Variants in CXCL13 observed in about 807,000 individuals in gnomAD.
The protein encoded by CXCL13 is C-X-C motif chemokine ligand 13.
In CXCL13, 7 loss-of-function variants were observed where a neutral mutation model predicts 12.2. The ratio of observed to expected loss-of-function variants is 0.57; its 90% confidence interval spans 0.33 to 1.07. CXCL13 has a LOEUF of 1.07. Ranked by LOEUF, CXCL13 falls within the 50% of genes least tolerant of loss-of-function variation. The probability of loss-of-function intolerance (pLI) is 0.04; values close to 1 mark genes in which losing one functional copy is unlikely to be tolerated. For missense variants in CXCL13, 113 were observed against 127.4 expected, an observed-to-expected ratio of 0.89 and a Z score of 0.55; for synonymous variants, 47 against 42.4, an observed-to-expected ratio of 1.11 and a Z score of -0.42.
At chr4:77,526,869 G>A (rs1272389305) in intron 1 of CXCL13, among the ~76,000 whole-genome samples, 2 of 152,168 alleles carry the variant, frequency 1.3e-5, no homozygotes, top group Non-Finnish European at 2.9e-5. Flanking sequence ...CACTTGAACA[G>A]CCAAGCAGAT....
intron 1 of CXCL13, among the ~76,000 whole-genome samples, chr4:77,515,463 T>G (rs1724391495): frequency 6.6e-6 from 1 of 152,258 alleles, no homozygotes; most frequent in South Asian, 2.1e-4. Context: ...TTCATTTGTT[T>G]GTATCCTCTT....
rs564956834 is a variant in CXCL13 at position 77,563,772 on chromosome 4, C to T, written c.-42-42052C>T. 5.9e-5 allele frequency among the ~76,000 whole-genome samples: 9 copies of T among 152,292 alleles called. 1 individual carries two copies. Among genetic ancestry groups the T allele is most frequent in the Admixed American group, 3.3e-4 (5 of 15,300 alleles). On this transcript the variant is annotated intron_variant, in intron 1 of 4. Coordinates refer to the CXCL13 transcript ENST00000286758. ...CTTCTTCCTCATAGGAATTCTCCTC[C>T]TCATTGTTAGAATATATTGTCTTTT... is the stretch of plus-strand genomic sequence containing the variant.
chr4:77,611,635 A>G lies in CXCL13; in HGVS notation c.*596A>G. ...ATTCGAAGATCCCCAGACTTCATAG[A>G]ATACTCAGGGAAAGCATTTAAAGGG... On this transcript the variant is annotated 3_prime_UTR_variant, in exon 4 of 4. Coordinates refer to ENST00000682537, the MANE Select transcript of CXCL13 (RefSeq NM_001371558.1). The G allele has an allele frequency of 2.5e-6, 1 of 398,982 alleles. No homozygotes were observed. Among genetic ancestry groups the G allele is most frequent in the Non-Finnish European group, 4.4e-6 (1 of 226,090 alleles). The allele number at this position is 398,982 out of a possible 1,614,324, so 24.7% of individuals were successfully genotyped here.
intron 1 of CXCL13, among the ~76,000 whole-genome samples, chr4:77,566,794 A>G (rs1455838358): frequency 6.6e-6 from 1 of 152,328 alleles, no homozygotes; most frequent in South Asian, 2.1e-4. Context: ...TACAAAACGT[A>G]ACAACACAAC....
chr4:77,571,629 C>T (rs1390144343), intron 1 of CXCL13, among the ~76,000 whole-genome samples: 7 of 151,796 alleles, frequency 4.6e-5, no homozygotes, highest in African/African-American at 2.4e-5. Context: ...ATTGTAAATG[C>T]ACCAATCAGT....
intron 1 of CXCL13, among the ~76,000 whole-genome samples, chr4:77,522,199 G>A (rs1724618769): frequency 6.6e-6 from 1 of 152,110 alleles, no homozygotes; most frequent in South Asian, 2.1e-4. Flanking sequence ...GATTTGGGGT[G>A]GAGAGTTCTG....
chr4:77,571,101 C>A (rs1726067428), intron 1 of CXCL13, among the ~76,000 whole-genome samples: 1 of 152,034 alleles, frequency 6.6e-6, no homozygotes. Context: ...GGTGTGGGAT[C>A]CACTGGGTGA....
At chr4:77,558,182 T>C (rs1725709625) in intron 1 of CXCL13, among the ~76,000 whole-genome samples, 1 of 152,230 alleles carries the variant, frequency 6.6e-6, no homozygotes. Flanking sequence ...TTATCACTTC[T>C]AAGATGCCTC....
chr4:77,598,805 C>G (rs1236587645), intron 1 of CXCL13, among the ~76,000 whole-genome samples: 1 of 150,970 alleles, frequency 6.6e-6, no homozygotes, highest in African/African-American at 2.5e-5. Context: ...TTTGGCCTAG[C>G]CCCAACACAA....
At chr4:77,574,074 A>G (rs981163066) in intron 1 of CXCL13, among the ~76,000 whole-genome samples, 1 of 152,000 alleles carries the variant, frequency 6.6e-6, no homozygotes. Flanking sequence ...TCTGGTAATT[A>G]GAGATATAAA....
rs376338194 is a variant in CXCL13 at position 77,559,590 on chromosome 4, C to CGTGT, written c.-42-46216_-42-46213dup. Among the ~76,000 whole-genome samples, 1,222 of 148,728 alleles carry CGTGT rather than the reference C, an allele frequency of 8.2e-3. 15 individuals are homozygous for CGTGT. The highest frequency in any genetic ancestry group is 0.028 in the African/African-American group (1,156 of 40,682). ...TCTTCCATTCAAGGACTAAATATGCCGTGTGTGTGTGTGTGTGTGTGATTG... is the reference window on the plus strand; with the variant it reads ...TCTTCCATTCAAGGACTAAATATGCCGTGTGTGTGTGTGTGTGTGTGTGTGATTG... On this transcript the variant is annotated intron_variant, in intron 1 of 4. Transcript: ENST00000286758.
chr4:77,602,744 G>A (rs182002726), upstream of CXCL13, among the ~76,000 whole-genome samples: 1 of 152,216 alleles, frequency 6.6e-6, no homozygotes, highest in Non-Finnish European at 1.5e-5. Context: ...CTAAACAAGG[G>A]TATCTATAAA....
At chr4:77,598,576 A>T (rs1220012667) in intron 1 of CXCL13, among the ~76,000 whole-genome samples, 1 of 152,238 alleles carries the variant, frequency 6.6e-6, no homozygotes, top group Non-Finnish European at 1.5e-5. Context: ...TATTTGAATA[A>T]CAAAAAGTGA....
In CXCL13 at chr4:77,558,475, C is replaced by T. The variant is rs142309266; in HGVS notation, c.-43+46687C>T. On this transcript the variant is annotated intron_variant, in intron 1 of 4. Coordinates refer to the CXCL13 transcript ENST00000286758. ...TCAAGCAATTCTCCCACTTCAGCCT[C>T]CCAAGTAACTGGGACTACAGGTGTA... Among the ~76,000 whole-genome samples, 989 of 152,296 alleles carry T rather than the reference C, an allele frequency of 6.5e-3. 12 individuals carry two copies. Among genetic ancestry groups the T allele is most frequent in the South Asian group, 0.026 (127 of 4,818 alleles).
chr4:77,580,185 A>T (rs112660157), intron 1 of CXCL13, among the ~76,000 whole-genome samples: 2,475 of 152,102 alleles, frequency 0.016, 67 homozygotes, highest in African/African-American at 0.055. Context: ...AAAAGCCCTG[A>T]CTTGACTGCC....
At chr4:77,549,055 A>G (rs1725442610) in intron 1 of CXCL13, among the ~76,000 whole-genome samples, 2 of 151,964 alleles carry the variant, frequency 1.3e-5, no homozygotes, top group South Asian at 4.1e-4. Context: ...TTTTTTCTCT[A>G]AACTTCTCTT....
chr4:77,528,665 A>G (rs1724832162), intron 1 of CXCL13, among the ~76,000 whole-genome samples: 1 of 152,084 alleles, frequency 6.6e-6, no homozygotes, highest in Non-Finnish European at 1.5e-5. Flanking sequence ...TTCATTGTAG[A>G]TTCTGGATGT....
chr4:77,568,389 G>C (rs1310438550), intron 1 of CXCL13, among the ~76,000 whole-genome samples: 2 of 152,074 alleles, frequency 1.3e-5, no homozygotes, highest in East Asian at 3.9e-4. Flanking sequence ...AACCCCCTTT[G>C]TCACCTCTTC....
At chr4:77,573,353 T>A (rs2109820231) in intron 1 of CXCL13, among the ~76,000 whole-genome samples, 1 of 147,404 alleles carries the variant, frequency 6.8e-6, no homozygotes, top group East Asian at 2.0e-4. Flanking sequence ...AAAAAAGCTA[T>A]TGGGTCTTTT....
Sources: allele counts gnomAD v4.1 joint callset (sites outside exome capture counted in the v4.1 genomes callset), GRCh38; gene constraint gnomAD v4.1.1; transcripts MANE v1.5; gene names NCBI Gene and HGNC (gene_info 2026-07-23, HGNC 2026-07-21).